ZNF630: variants seen among roughly 807,000 people sequenced by gnomAD.
ZNF630 encodes the protein zinc finger protein 630, also known as dJ54B20.2 (novel KRAB box containing C2H2 type zinc finger protein).
In ZNF630, 5 loss-of-function variants were observed where a neutral mutation model predicts 7.2. The ratio of observed to expected loss-of-function variants is 0.70; its 90% CI spans 0.36 to 1.46. The LOEUF (loss-of-function observed/expected upper bound fraction) is 1.46. ZNF630 is among the 40% of genes most tolerant of loss of function. ZNF630 has a pLI of 0.03. For synonymous variants in ZNF630, 158 were observed against 162.8 expected (o/e 0.97, Z 0.23); for missense variants, 461 against 477.0 (o/e 0.97, Z 0.31).
Position 48,059,108 on chromosome X carries a change from T to A in ZNF630, c.1334A>T (p.His445Leu). ...ECGKTFCQQS[H>L]LIGHQRIHTG... ...ATGAATTCTTTGATGTCCTATGAGG[T>A]GGGACTGTTGGCAGAAAGTTTTCCC... Residue 445 changes from histidine to leucine, a missense_variant, in exon 5 of 5, where the codon CAC becomes CTC. Transcript: ENST00000276054. The A allele has an allele frequency of 1.7e-6, 2 of 1,208,290 alleles. No individual in the cohort carries two copies. Among genetic ancestry groups the A allele is most frequent in the Non-Finnish European group, 2.2e-6 (2 of 893,198 alleles).
At chrX:48,066,339 C>T (rs1276394664) in intron 2 of ZNF630, 1 of 101,223 alleles carries the variant, frequency 9.9e-6, no homozygotes. Context: ...AAAAAAAAAA[C>T]GACTAAAATT....
chrX:48,069,885 TCTCG>T (rs1296841790), intron 1 of ZNF630, among the ~76,000 whole-genome samples: 1 of 100,180 alleles, frequency 1.0e-5, no homozygotes, highest in Non-Finnish European at 2.0e-5. Context: ...TGAGATGGAG[TCTCG>T]CTCTGTCGCC....
At chrX:48,060,375 A>G (rs1047277947) in intron 4 of ZNF630, 75 bp downstream of exon 4, 7 of 1,069,916 alleles carry the variant, frequency 6.5e-6, no homozygotes, top group Middle Eastern at 2.6e-4. Flanking sequence ...TTAAGGAAGA[A>G]AAAAGGTAAC....
rs782768946 is a variant in ZNF630, at chrX:48,059,621, T to C, written c.821A>G (p.Lys274Arg). 26 of 1,207,301 alleles carry C rather than the reference T, an allele frequency of 2.2e-5. No homozygotes were observed. The highest frequency in any genetic ancestry group is 2.3e-4 in the Middle Eastern group (1 of 4,368). Residue 274 changes from lysine (K) to arginine (R), a missense_variant, in exon 5 of 5, where the codon AAG becomes AGG. By Grantham distance (26) the Lys-to-Arg change is conservative. Transcript: ENST00000276054. Reference protein sequence around the residue: ...VCSMCGKAFIKKSQLIIHQRI... With the variant: ...VCSMCGKAFIRKSQLIIHQRI... Reference sequence around the variant, plus strand: ...TTGATGTATAATGAGCTGTGACTTCTTGATAAAGGCTTTCCCACACATACT... The same window carrying C: ...TTGATGTATAATGAGCTGTGACTTCCTGATAAAGGCTTTCCCACACATACT...
chrX:48,060,143 C>A lies in ZNF630; in HGVS notation c.299G>T (p.Arg100Met). The stretch of plus-strand genomic sequence containing the variant: ...CTTTGGGGCTCTTTCTAGTATCTCC[C>A]TTTGAAATAAAAGTTCTCCAGAAAT... ...QIISGELLFQREILERAPKDN... is the reference protein window; with the variant it reads ...QIISGELLFQMEILERAPKDN... The change falls in exon 5 of 5, where the codon AGG (arginine) becomes ATG (methionine). Residue 100 changes from arginine (R) to methionine (M), a missense_variant. Arg to Met is a moderately conservative substitution (Grantham distance 91). Coordinates refer to ENST00000276054, the MANE Select transcript of ZNF630 (RefSeq NM_001282201.2). The A allele has an allele frequency of 8.6e-7, 1 of 1,164,491 alleles. No individual in the cohort carries two copies. Among genetic ancestry groups the A allele is most frequent in the Non-Finnish European group, 1.1e-6 (1 of 870,522 alleles).
At chrX:48,064,246 A>C (rs781853969) in intron 2 of ZNF630, among the ~76,000 whole-genome samples, 12 of 111,709 alleles carry the variant, frequency 1.1e-4, no homozygotes, top group South Asian at 3.7e-4. Context: ...GATTCTTCTT[A>C]TTATTATTAC....
chrX:48,065,598 G>A (rs1005905178), intron 2 of ZNF630, among the ~76,000 whole-genome samples: 5 of 107,565 alleles, frequency 4.6e-5, no homozygotes, highest in African/African-American at 1.0e-4. Context: ...CAGGAGAATC[G>A]CTTGAACCTG....
rs41297342 is a variant in ZNF630, at chrX:48,060,476, C to T, written c.212G>A (p.Ser71Asn). The change falls in exon 4 of 5, where the codon AGT (serine) becomes AAT (asparagine). Residue 71 changes from serine to asparagine, a missense_variant. Physicochemically the swap from Ser to Asn is conservative, Grantham distance 46. Transcript: ENST00000276054. ...TGGGTAGATCCACCTTGACAACTCA[C>T]TCTCTATGATCCATGGGTCCTTTCC... ...EHGKDPWIIE[S>N]ELSRWIYPDR... 0.028 allele frequency: 33,744 copies of T among 1,204,717 alleles called. 530 individuals carry two copies. The highest frequency in any genetic ancestry group is 0.049 in the Middle Eastern group (211 of 4,340).
chrX:48,069,879 A>G (rs1392496966), intron 1 of ZNF630, among the ~76,000 whole-genome samples: 1 of 79,154 alleles, frequency 1.3e-5, no homozygotes, highest in Non-Finnish European at 2.7e-5. Flanking sequence ...TGTTTTTGAG[A>G]TGGAGTCTCG....
chrX:48,068,205 A>AGG lies in ZNF630; in HGVS notation c.-175-1145_-175-1144insCC, dbSNP rs1356357590. ...AAGGAAGGAAGGAAGGAAGGAAAGA[A>AGG]AAGAAAAGAAAAGAAAAAAGAAAAG... is the stretch of plus-strand genomic sequence containing the variant. On this transcript the variant is annotated intron_variant, in intron 1 of 4. Coordinates refer to ENST00000276054, the MANE Select transcript of ZNF630 (RefSeq NM_001282201.2). Among the ~76,000 whole-genome samples, 76 of 54,638 alleles carry AGG rather than the reference A, an allele frequency of 1.4e-3. 1 individual carries two copies. Among genetic ancestry groups the AGG allele is most frequent in the Middle Eastern group, 0.01 (1 of 97 alleles). 47.4% of individuals were successfully genotyped at this position (54,638 alleles called of 115,157 possible). A position where few individuals can be genotyped will look rare whatever the true frequency, so the allele number is the denominator to read the frequency against.
At chrX:48,060,666 A>G in intron 3 of ZNF630, 121 bp from the exon 4 acceptor site, 1 of 905,645 alleles carries the variant, frequency 1.1e-6, no homozygotes, top group Non-Finnish European at 1.5e-6. Context: ...ATAAAAATAA[A>G]TTCTAGATAT....
In ZNF630 at chrX:48,059,571, A is replaced by G; in HGVS notation, c.871T>C (p.Tyr291His). The G allele has an allele frequency of 8.3e-7, 1 of 1,208,045 alleles. No individual in the cohort carries two copies. The highest frequency in any genetic ancestry group is 1.1e-6 in the Non-Finnish European group (1 of 893,175). ...GCTTTCCTACAATCTCCACATACAT[A>G]TGGTTTCTCTCCAGTATGAATTCTT... ...HQRIHTGEKPYVCGDCRKAFS... is the reference protein window; with the variant it reads ...HQRIHTGEKPHVCGDCRKAFS... The change falls in exon 5 of 5, where the codon TAT (tyrosine) becomes CAT (histidine). Residue 291 changes from tyrosine to histidine, a missense_variant. Physicochemically the swap from Tyr to His is moderately conservative, Grantham distance 83 (BLOSUM62 2). Transcript: ENST00000276054.
intron 1 of ZNF630, among the ~76,000 whole-genome samples, chrX:48,070,704 AAAG>A (rs2059156542): frequency 9.1e-6 from 1 of 109,830 alleles, no homozygotes; most frequent in African/African-American, 3.3e-5. Context: ...GCCCCTCACA[AAAG>A]AAGATCTCCA....
At chrX:48,061,048 G>C (rs903690014) in intron 2 of ZNF630, 103 bp from the exon 3 acceptor site, 86 of 745,868 alleles carry the variant, frequency 1.2e-4, no homozygotes, top group Non-Finnish European at 1.6e-4. Context: ...TACTTTATGA[G>C]AGAAACAATG....
Sources: allele counts gnomAD v4.1 joint callset (sites outside exome capture counted in the v4.1 genomes callset), GRCh38; gene constraint gnomAD v4.1.1; transcripts MANE v1.5; gene names NCBI Gene and HGNC (gene_info 2026-07-23, HGNC 2026-07-21).